The following PPIP5K1 variants were observed in gnomAD, a reference collection of about 807,000 sequenced individuals.
PPIP5K1 encodes the protein diphosphoinositol pentakisphosphate kinase 1.
In PPIP5K1, 6 loss-of-function variants were observed where a neutral mutation model predicts 27.7. The observed-to-expected ratio is 0.22, with a 90% CI of 0.12 to 0.43. PPIP5K1 has a LOEUF of 0.43. PPIP5K1 is among the 20% of genes least tolerant of loss of function. The pLI is 1.00. For missense variants in PPIP5K1, 394 were observed against 635.4 expected, an observed-to-expected ratio of 0.62 and a Z score of 4.08; for synonymous variants, 145 against 242.6, an observed-to-expected ratio of 0.60 and a Z score of 3.74.
chr15:43,544,914 C>T (rs566430399), intron 30 of PPIP5K1, among the ~76,000 whole-genome samples: 1 of 152,164 alleles, frequency 6.6e-6, no homozygotes, highest in African/African-American at 2.4e-5. Context: ...CGTGGTGGCT[C>T]ACGCCTGTAA....
chr15:43,558,569 C>A (rs933855773), intron 30 of PPIP5K1, among the ~76,000 whole-genome samples: 1 of 151,950 alleles, frequency 6.6e-6, no homozygotes, highest in Admixed American at 6.6e-5. Context: ...CTTGGCCAGG[C>A]TTGTCTCAAA....
intron 30 of PPIP5K1, among the ~76,000 whole-genome samples, chr15:43,557,988 G>A (rs2083227156): frequency 6.6e-6 from 1 of 151,282 alleles, no homozygotes; most frequent in African/African-American, 2.4e-5. Flanking sequence ...ACTGTTCTTG[G>A]TTGTGTATTT....
chr15:43,558,055 T>C (rs1415682480), intron 30 of PPIP5K1, among the ~76,000 whole-genome samples: 3 of 144,248 alleles, frequency 2.1e-5, no homozygotes, highest in South Asian at 2.1e-4. Flanking sequence ...AGTTGGCCTA[T>C]GCAATTATCC....
In PPIP5K1 at chr15:43,545,859, G is replaced by A. The variant is rs183303670; in HGVS notation, c.3557-6276C>T. On this transcript the variant is annotated intron_variant, in intron 30 of 31. Transcript: ENST00000420765. ...TGGCATTTAGTACACCCACAGTGCT[G>A]TGCAACCACCACCTCTATCTAGTTC... Among the ~76,000 whole-genome samples, 4 of 152,102 alleles carry A rather than the reference G, an allele frequency of 2.6e-5. No individual in the cohort carries two copies. The East Asian group carries it at 7.7e-4, about 29-fold the overall frequency.
intron 30 of PPIP5K1, among the ~76,000 whole-genome samples, chr15:43,545,480 T>C (rs2081263776): frequency 6.6e-6 from 1 of 150,710 alleles, no homozygotes; most frequent in African/African-American, 2.4e-5. Flanking sequence ...ACTTCTTTTT[T>C]TTTTTTTTTT....
intron 31 of PPIP5K1, chr15:43,537,518 G>A (rs771229520): frequency 2.7e-5 from 5 of 183,424 alleles, no homozygotes; most frequent in Admixed American, 5.7e-5. Context: ...GCAAAACCCC[G>A]TCTCTACTAA....
chr15:43,541,583 G>A (rs573127823), intron 30 of PPIP5K1, among the ~76,000 whole-genome samples: 3 of 152,082 alleles, frequency 2.0e-5, no homozygotes, highest in Admixed American at 1.3e-4. Flanking sequence ...CAGGCGTGGT[G>A]GTGGGCGCCT....
intron 30 of PPIP5K1, among the ~76,000 whole-genome samples, chr15:43,551,499 C>G (rs1163884714): frequency 9.3e-6 from 1 of 107,208 alleles, no homozygotes; most frequent in African/African-American, 4.1e-5. Context: ...GCCTAGGCAA[C>G]AGAGCAAGAC....
intron 30 of PPIP5K1, among the ~76,000 whole-genome samples, chr15:43,542,398 C>T (rs1264576390): frequency 6.6e-6 from 1 of 151,714 alleles, no homozygotes; most frequent in Non-Finnish European, 1.5e-5. Context: ...TTCAAGCGAT[C>T]CTCCAACCTC....
intron 30 of PPIP5K1, 29 bp from the exon 31 acceptor site, chr15:43,539,612 G>C: frequency 7.1e-7 from 1 of 1,409,906 alleles, no homozygotes; most frequent in Non-Finnish European, 9.9e-7. Flanking sequence ...GAAGGGAGAG[G>C]GAAGAAAAAA....
chr15:43,549,374 C>T (rs1294881939), intron 30 of PPIP5K1, among the ~76,000 whole-genome samples: 2 of 151,990 alleles, frequency 1.3e-5, no homozygotes, highest in Non-Finnish European at 2.9e-5. Flanking sequence ...TGTATATAAA[C>T]ACAATTGGGC....
chr15:43,536,729 T>A (rs989214537), intron 31 of PPIP5K1, among the ~76,000 whole-genome samples: 5 of 152,160 alleles, frequency 3.3e-5, no homozygotes, highest in African/African-American at 1.2e-4. Flanking sequence ...ATTTCCTACA[T>A]CCTGACAGTA....
chr15:43,536,588 G>T (rs2079897458), intron 31 of PPIP5K1, among the ~76,000 whole-genome samples: 1 of 152,184 alleles, frequency 6.6e-6, no homozygotes, highest in African/African-American at 2.4e-5. Context: ...CTTTACATGT[G>T]ATTCCTGAAG....
rs762219321 is a variant in PPIP5K1, at chr15:43,549,056, AATATATATAT to A, written c.3557-9483_3557-9474del. On this transcript the variant is annotated intron_variant, in intron 30 of 31. Coordinates refer to ENST00000420765, the MANE Select transcript of PPIP5K1 (RefSeq NM_001394395.1). The stretch of plus-strand genomic sequence containing the variant: ...AAAAAAAAAAAAAAAAAAAAAAAAA[AATATATATAT>A]ATATATATATATATACATATATATA... Among the ~76,000 whole-genome samples the A allele has an allele frequency of 2.8e-4, 15 of 54,290 alleles. 1 individual carries two copies. Among genetic ancestry groups the A allele is most frequent in the African/African-American group, 1.8e-3 (13 of 7,410 alleles). The allele number at this position is 54,290 out of a possible 152,430, so 35.6% of individuals were successfully genotyped here. A position where few individuals can be genotyped will look rare whatever the true frequency, so the allele number is the denominator to read the frequency against.
intron 30 of PPIP5K1, among the ~76,000 whole-genome samples, chr15:43,558,518 GC>G (rs982875927): frequency 5.3e-5 from 8 of 152,060 alleles, no homozygotes; most frequent in Non-Finnish European, 1.2e-4. Context: ...GAGCCACTGC[GC>G]CCGGCCTTAT....
intron 30 of PPIP5K1, among the ~76,000 whole-genome samples, chr15:43,557,918 C>T (rs2083215109): frequency 6.6e-6 from 1 of 150,822 alleles, no homozygotes; most frequent in African/African-American, 2.4e-5. Context: ...AATCCTCCTG[C>T]CTCAGCCTCT....
intron 8 of PPIP5K1, 177 bp from the exon 9 acceptor site, chr15:43,581,565 T>A: frequency 2.0e-6 from 1 of 499,336 alleles, no homozygotes; most frequent in Non-Finnish European, 3.5e-6. Context: ...TACTGAAGTA[T>A]CATTATGAAT....
intron 31 of PPIP5K1, 109 bp downstream of exon 31, chr15:43,539,361 C>A: frequency 1.3e-6 from 1 of 797,578 alleles, no homozygotes; most frequent in South Asian, 1.5e-5. Flanking sequence ...ATGGATATTC[C>A]TGGTCTTTCA....
At chr15:43,546,280 T>C (rs2081357220) in intron 30 of PPIP5K1, among the ~76,000 whole-genome samples, 1 of 152,208 alleles carries the variant, frequency 6.6e-6, no homozygotes, top group South Asian at 2.1e-4. Context: ...TATCTATTCA[T>C]TGACATTTCA....
Sources: gnomAD v4.1 joint callset for allele counts (sites outside exome capture counted in the v4.1 genomes callset) on GRCh38, gnomAD v4.1.1 for gene constraint, MANE v1.5 for transcripts, NCBI Gene and HGNC (gene_info 2026-07-23, HGNC 2026-07-21) for gene names.